DYNC2I2: variants seen among roughly 807,000 people sequenced by gnomAD.
The protein encoded by DYNC2I2 is cytoplasmic dynein 2 intermediate chain 2.
A neutral mutation model predicts 52.0 loss-of-function variants in DYNC2I2; 39 were observed. The observed-to-expected ratio is 0.75, with a 90% confidence interval of 0.58 to 0.98. DYNC2I2 has a LOEUF of 0.98. Ranked by LOEUF, DYNC2I2 falls within the 50% of genes least tolerant of loss-of-function variation. The pLI is 0.00. For synonymous variants in DYNC2I2, 359 were observed against 321.1 expected, an observed-to-expected ratio of 1.12 and a Z score of -1.26; for missense variants, 743 against 728.4, an observed-to-expected ratio of 1.02 and a Z score of -0.23.
chr9:128,642,414 C>T (rs1860531684), intron 1 of DYNC2I2, among the ~76,000 whole-genome samples: 3 of 145,774 alleles, frequency 2.1e-5, no homozygotes, highest in Non-Finnish European at 4.5e-5. Context: ...CGAGATCATG[C>T]CACTGCACTC....
At chr9:128,638,584 C>A (rs1317714862) in intron 2 of DYNC2I2, among the ~76,000 whole-genome samples, 1 of 152,064 alleles carries the variant, frequency 6.6e-6, no homozygotes, top group African/African-American at 2.4e-5. Flanking sequence ...CCACACTCCA[C>A]AAAGAGCTCC....
At chr9:128,679,373 G>A in the DYNC2I2 span, among the ~76,000 whole-genome samples, 2 of 152,126 alleles carry the variant, frequency 1.3e-5, no homozygotes, top group African/African-American at 4.8e-5. Context: ...ATGGTGGCAC[G>A]TCCTCCACCT....
At position 128,634,299 on chromosome 9, in the gene DYNC2I2, G is replaced by A; in HGVS notation, c.1299C>T (p.Leu433=). 2 of 1,613,704 alleles carry A rather than the reference G, an allele frequency of 1.2e-6. No individual in the cohort carries two copies. Among genetic ancestry groups the A allele is most frequent in the South Asian group, 1.1e-5 (1 of 91,072 alleles). ...LQAPPLTSLQ[L]SLKYLFAVRW... is the part of the protein sequence containing the mutation. ...GCACAGCAAACAGATACTTGAGGGA[G>A]AGCTGCAGCGAAGTCAAGGGAGGGG... The change falls in exon 8 of 9, where the codon CTC becomes CTT. Residue 433 remains leucine (L), a synonymous_variant. Transcript: ENST00000372715.
the DYNC2I2 span, among the ~76,000 whole-genome samples, chr9:128,672,500 TAA>T: frequency 2.3e-4 from 30 of 128,416 alleles, no homozygotes; most frequent in Admixed American, 3.3e-4. Context: ...ACCCTGTCTC[TAA>T]AAAAAAAAAA....
At chr9:128,681,091 C>T in the DYNC2I2 span, among the ~76,000 whole-genome samples, 1 of 152,130 alleles carries the variant, frequency 6.6e-6, no homozygotes, top group East Asian at 1.9e-4. Flanking sequence ...ACCAGTCATT[C>T]ATTTCTTTTC....
chr9:128,668,765 A>G, the DYNC2I2 span, among the ~76,000 whole-genome samples: 1 of 151,000 alleles, frequency 6.6e-6, no homozygotes, highest in Admixed American at 6.7e-5. Context: ...AGTTGCAGTG[A>G]GCTGAGATCA....
intron 1 of DYNC2I2, among the ~76,000 whole-genome samples, chr9:128,642,849 C>T (rs1402735467): frequency 6.6e-6 from 1 of 152,068 alleles, no homozygotes; most frequent in East Asian, 1.9e-4. Context: ...TTCTTGTGCC[C>T]CAGGCGCTTA....
At chr9:128,635,931 CCCCTGTTGTA>C in intron 4 of DYNC2I2, 164 bp from the exon 5 acceptor site, 1 of 709,676 alleles carries the variant, frequency 1.4e-6, no homozygotes, top group East Asian at 2.7e-5. Flanking sequence ...GCCCCCAGCT[CCCCTGTTGTA>C]CCCCAGGGAG....
Position 128,656,707 on chromosome 9 carries a change from G to T in DYNC2I2, c.20C>A (p.Pro7Gln). Reference sequence around the variant, plus strand: ...GCTTCCCGCCTGGCTGAGTGGCCCCGGCTGCGCGCGGGTTGCCATGGAGAC... The same window carrying T: ...GCTTCCCGCCTGGCTGAGTGGCCCCTGCTGCGCGCGGGTTGCCATGGAGAC... MATRAQ[P>Q]GPLSQAGSAG... The change falls in exon 1 of 9, where the codon CCG (proline) becomes CAG (glutamine). Residue 7 changes from proline to glutamine, a missense_variant. Transcript: ENST00000372715. 7.0e-7 allele frequency: 1 copy of T among 1,436,662 alleles called. No individual in the cohort carries two copies. Among genetic ancestry groups the T allele is most frequent in the South Asian group, 1.5e-5 (1 of 67,260 alleles). The allele number at this position is 1,436,662 out of a possible 1,614,324, so 89.0% of individuals were successfully genotyped here.
At chr9:128,673,420 C>G in the DYNC2I2 span, among the ~76,000 whole-genome samples, 2 of 35,056 alleles carry the variant, frequency 5.7e-5, no homozygotes, top group Non-Finnish European at 1.4e-4. Context: ...GGGCTTACTG[C>G]AACTTCTGCC....
At chr9:128,645,290 G>T (rs1200374927) in intron 1 of DYNC2I2, among the ~76,000 whole-genome samples, 1 of 152,124 alleles carries the variant, frequency 6.6e-6, no homozygotes, top group Non-Finnish European at 1.5e-5. Flanking sequence ...GAGGTCAGGA[G>T]TTCGAGACCA....
the DYNC2I2 span, chr9:128,683,279 C>CTT: frequency 0.88 from 136,479 of 155,348 alleles, 60,104 homozygotes; most frequent in Non-Finnish European, 0.93. Context: ...TTTCTTTCTT[C>CTT]TTTTTTTTTT....
In DYNC2I2 at chr9:128,633,743, C is replaced by T. The variant is rs201566226; in HGVS notation, c.*1G>A. ...GGCTTGCACCCGCCTCCCGGGACCCCTCAGGCCGCCACCTCTGCTGCCAGG... is the reference window on the plus strand; with the variant it reads ...GGCTTGCACCCGCCTCCCGGGACCCTTCAGGCCGCCACCTCTGCTGCCAGG... On this transcript the variant is annotated 3_prime_UTR_variant, in exon 9 of 9. Coordinates refer to ENST00000372715, the MANE Select transcript of DYNC2I2 (RefSeq NM_052844.4). 1.2e-6 allele frequency: 2 copies of T among 1,612,536 alleles called. No homozygotes were observed. Among genetic ancestry groups the T allele is most frequent in the Admixed American group, 3.3e-5 (2 of 60,024 alleles).
At chr9:128,662,534 C>T in the DYNC2I2 span, among the ~76,000 whole-genome samples, 1 of 151,880 alleles carries the variant, frequency 6.6e-6, no homozygotes, top group East Asian at 2.0e-4. Context: ...CCTCAGCCTC[C>T]CGAGTAGCTG....
chr9:128,661,290 G>A (rs1860913865), upstream of DYNC2I2, among the ~76,000 whole-genome samples: 1 of 140,534 alleles, frequency 7.1e-6, no homozygotes, highest in Non-Finnish European at 1.5e-5. Context: ...GGGTAACAGA[G>A]TGAGACTCCA....
Position 128,634,348 on chromosome 9 carries a change from A to G in DYNC2I2, c.1250T>C (p.Val417Ala), listed in dbSNP as rs1860316806. 1.2e-6 allele frequency: 2 copies of G among 1,605,766 alleles called. No individual in the cohort carries two copies. Among genetic ancestry groups the G allele is most frequent in the Admixed American group, 1.7e-5 (1 of 57,598 alleles). Residue 417 changes from valine (V) to alanine (A), a missense_variant, in exon 8 of 9, where the codon GTC (valine) becomes GCC (alanine). Physicochemically the swap from Val to Ala is moderately conservative, Grantham distance 64. Coordinates refer to ENST00000372715, the MANE Select transcript of DYNC2I2 (RefSeq NM_052844.4). ...LFLSAGTDGHVHLYSMLQAPP... is the reference protein window; with the variant it reads ...LFLSAGTDGHAHLYSMLQAPP... ...GGCCTGCAGCATGGAGTACAGGTGG[A>G]CATGCCCGTCAGTCCCAGCGCTCAG...
intron 2 of DYNC2I2, among the ~76,000 whole-genome samples, chr9:128,637,426 T>C (rs984698094): frequency 1.3e-5 from 2 of 152,178 alleles, no homozygotes; most frequent in African/African-American, 2.4e-5. Flanking sequence ...TGATTTTTTG[T>C]TGTTTGTGGT....
At chr9:128,645,728 C>T (rs953716836) in intron 1 of DYNC2I2, among the ~76,000 whole-genome samples, 19 of 150,210 alleles carry the variant, frequency 1.3e-4, no homozygotes, top group African/African-American at 4.7e-4. Flanking sequence ...AAAAGCTAGA[C>T]ATGATTAAGC....
At chr9:128,676,353 G>T in the DYNC2I2 span, among the ~76,000 whole-genome samples, 1 of 151,756 alleles carries the variant, frequency 6.6e-6, no homozygotes, top group Non-Finnish European at 1.5e-5. Context: ...AGCCGGGCAT[G>T]ATAGTGGGTA....
Sources: allele counts gnomAD v4.1 joint callset (sites outside exome capture counted in the v4.1 genomes callset), GRCh38; gene constraint gnomAD v4.1.1; transcripts MANE v1.5; gene names NCBI Gene and HGNC (gene_info 2026-07-23, HGNC 2026-07-21).